CNTN5: variants seen among roughly 807,000 people sequenced by gnomAD.
CNTN5 encodes the protein contactin 5.
CNTN5 carries 77 observed loss-of-function variants against 129.1 expected under a neutral mutation model. That is an observed-to-expected ratio of 0.60 (90% CI 0.50 to 0.72). The LOEUF is 0.72. Among genes scored for constraint, CNTN5 ranks in the 30% least tolerant of loss-of-function variants. The pLI is 0.00. For synonymous variants in CNTN5, 509 were observed against 465.6 expected, an observed-to-expected ratio of 1.09 and a Z score of -1.20; for missense variants, 1,478 against 1,328.8, an observed-to-expected ratio of 1.11 and a Z score of -1.75.
intron 7 of CNTN5, among the ~76,000 whole-genome samples, chr11:99,921,714 C>T (rs1747383571): frequency 6.6e-6 from 1 of 152,074 alleles, no homozygotes; most frequent in Non-Finnish European, 1.5e-5. Context: ...GTTATTACCC[C>T]ATTGCCTAGG....
intron 13 of CNTN5, among the ~76,000 whole-genome samples, chr11:100,125,633 T>C (rs992533530): frequency 1.3e-5 from 2 of 152,050 alleles, no homozygotes; most frequent in Non-Finnish European, 2.9e-5. Flanking sequence ...CATGTGAGTG[T>C]ATGTGTCTTT....
At chr11:100,195,904 G>T (rs78544294) in intron 15 of CNTN5, among the ~76,000 whole-genome samples, 12,518 of 151,616 alleles carry the variant, frequency 0.083, 704 homozygotes, top group Non-Finnish European at 0.12. Flanking sequence ...GGAAAATAAT[G>T]CTTTAGGAGA....
intron 1 of CNTN5, among the ~76,000 whole-genome samples, chr11:99,245,671 C>T (rs1861780613): frequency 6.6e-6 from 1 of 152,080 alleles, no homozygotes; most frequent in Non-Finnish European, 1.5e-5. Context: ...CAGAAAACAG[C>T]TTTACACTAC....
At chr11:99,935,500 G>A (rs1200777721) in intron 7 of CNTN5, among the ~76,000 whole-genome samples, 1 of 151,522 alleles carries the variant, frequency 6.6e-6, no homozygotes, top group Middle Eastern at 3.2e-3. Context: ...GAAATTTGAG[G>A]GCATTTTCAA....
chr11:99,691,626 A>T (rs989151467), intron 3 of CNTN5, among the ~76,000 whole-genome samples: 1 of 152,068 alleles, frequency 6.6e-6, no homozygotes, highest in Admixed American at 6.6e-5. Context: ...GTTTGTTATG[A>T]TTTCAGTTCT....
intron 3 of CNTN5, among the ~76,000 whole-genome samples, chr11:99,777,203 G>C (rs1203595092): frequency 6.6e-6 from 1 of 151,780 alleles, no homozygotes; most frequent in Non-Finnish European, 1.5e-5. Context: ...AAAAAAAGTA[G>C]TGTTTACAGT....
chr11:99,128,140 C>T (rs1033422421), intron 1 of CNTN5, among the ~76,000 whole-genome samples: 1 of 152,190 alleles, frequency 6.6e-6, no homozygotes, highest in Admixed American at 6.5e-5. Flanking sequence ...CAAACATCCT[C>T]ACTCAGAGGG....
chr11:99,668,772 T>C (rs1216721297), intron 3 of CNTN5, among the ~76,000 whole-genome samples: 1 of 151,996 alleles, frequency 6.6e-6, no homozygotes, highest in African/African-American at 2.4e-5. Flanking sequence ...CTACAAAAAC[T>C]ACAGAAATAA....
intron 8 of CNTN5, among the ~76,000 whole-genome samples, chr11:99,986,385 A>T (rs560254683): frequency 9.9e-5 from 15 of 152,208 alleles, no homozygotes; most frequent in African/African-American, 3.1e-4. Context: ...TTATATTCTT[A>T]TTTACCTTTC....
At chr11:99,553,725 C>T (rs936381436) in intron 2 of CNTN5, among the ~76,000 whole-genome samples, 1 of 151,420 alleles carries the variant, frequency 6.6e-6, no homozygotes, top group African/African-American at 2.4e-5. Flanking sequence ...TGTTGTACTA[C>T]ATAAATGTAT....
chr11:99,866,994 A>G (rs1489598102), intron 6 of CNTN5, among the ~76,000 whole-genome samples: 1 of 152,240 alleles, frequency 6.6e-6, no homozygotes, highest in Non-Finnish European at 1.5e-5. Context: ...TGTGGAAACT[A>G]TATAAGTTAA....
Position 99,780,251 on chromosome 11 carries a change from G to A in CNTN5, c.56-39293G>A, listed in dbSNP as rs577780471. 2.0e-5 allele frequency among the ~76,000 whole-genome samples: 3 copies of A among 151,952 alleles called. No individual in the cohort carries two copies. In the East Asian group the frequency reaches 5.8e-4, roughly 30 times the overall value. ...AGAAATAAGTATTACTATTTCATAC[G>A]TTAGTATATTTACAAGCAAGTGTGT... On this transcript the variant is annotated intron_variant, in intron 3 of 24. Coordinates refer to ENST00000524871, the MANE Select transcript of CNTN5 (RefSeq NM_014361.4).
At chr11:99,870,086 T>C (rs1353700080) in intron 6 of CNTN5, among the ~76,000 whole-genome samples, 2 of 152,146 alleles carry the variant, frequency 1.3e-5, no homozygotes, top group Non-Finnish European at 2.9e-5. Context: ...AATAGCATAA[T>C]AAATGTGTTG....
At chr11:99,991,531 A>G (rs1939098211) in intron 8 of CNTN5, among the ~76,000 whole-genome samples, 1 of 152,118 alleles carries the variant, frequency 6.6e-6, no homozygotes, top group Non-Finnish European at 1.5e-5. Context: ...CAACTGAGAA[A>G]CCCAACTTGA....
rs552817785 is a variant in CNTN5 at position 99,144,117 on chromosome 11, G to A, written c.-210+122847G>A. On this transcript the variant is annotated intron_variant, in intron 1 of 24. Coordinates refer to ENST00000524871, the MANE Select transcript of CNTN5 (RefSeq NM_014361.4). ...TTTACATATGAAATACATTATTTTT[G>A]CAGAATTATGATTGGCTAAATTACA... Among the ~76,000 whole-genome samples the A allele has an allele frequency of 1.8e-3, 269 of 152,056 alleles. 2 individuals carry two copies. Among genetic ancestry groups the A allele is most frequent in the African/African-American group, 6.1e-3 (255 of 41,466 alleles).
intron 13 of CNTN5, among the ~76,000 whole-genome samples, chr11:100,106,472 C>G (rs77675316): frequency 6.6e-6 from 1 of 151,364 alleles, no homozygotes; most frequent in Non-Finnish European, 1.5e-5. Context: ...GAAAAGGGAG[C>G]ATTCTGAGGG....
chr11:99,841,885 CATATAT>C (rs1268368274), intron 4 of CNTN5, among the ~76,000 whole-genome samples: 947 of 14,064 alleles, frequency 0.067, 12 homozygotes, highest in African/African-American at 0.11. Flanking sequence ...CATACATATA[CATATAT>C]ATATATTTTT....
In CNTN5 at chr11:99,046,779, G is replaced by A. The variant is rs1050224901; in HGVS notation, c.-210+25509G>A. On this transcript the variant is annotated intron_variant, in intron 1 of 24. Coordinates refer to ENST00000524871, the MANE Select transcript of CNTN5 (RefSeq NM_014361.4). ...AATGTCTTACTAATAATGCAATATTGCAAATAAGAATACTCAAACATCTTA... is the reference window on the plus strand; with the variant it reads ...AATGTCTTACTAATAATGCAATATTACAAATAAGAATACTCAAACATCTTA... Among the ~76,000 whole-genome samples, 5 of 152,092 alleles carry A rather than the reference G, an allele frequency of 3.3e-5. No homozygotes were observed. The East Asian group carries it at 5.8e-4, about 18-fold the overall frequency.
intron 12 of CNTN5, 89 bp from the exon 13 acceptor site, chr11:100,074,055 G>A: frequency 8.0e-7 from 1 of 1,256,486 alleles, no homozygotes; most frequent in Non-Finnish European, 1.1e-6. Context: ...ATGCCTCCCA[G>A]AAGAAAAAGT....
Sources: allele counts gnomAD v4.1 joint callset (sites outside exome capture counted in the v4.1 genomes callset), GRCh38; gene constraint gnomAD v4.1.1; transcripts MANE v1.5; gene names NCBI Gene and HGNC (gene_info 2026-07-23, HGNC 2026-07-21).